LEKR1: variants seen among roughly 807,000 people sequenced by gnomAD.
LEKR1 encodes the protein protein LEKR1.
LEKR1 carries 59 observed loss-of-function variants against 72.4 expected under a neutral mutation model. The ratio of observed to expected loss-of-function variants is 0.82; its 90% CI spans 0.66 to 1.01. The LOEUF (loss-of-function observed/expected upper bound fraction) is 1.01, where lower values mean the gene tolerates loss of function less well. Among genes scored for constraint, LEKR1 ranks in the 50% least tolerant of loss-of-function variants. The pLI is 0.00. For synonymous variants in LEKR1, 257 were observed against 263.2 expected, an observed-to-expected ratio of 0.98 and a Z score of 0.23; for missense variants, 728 against 759.2, an observed-to-expected ratio of 0.96 and a Z score of 0.48.
chr3:156,971,745 C>A lies in LEKR1; in HGVS notation c.746-7449C>A, dbSNP rs199842382. Among the ~76,000 whole-genome samples, 1,382 of 152,272 alleles carry A rather than the reference C, an allele frequency of 9.1e-3. 51 individuals carry two copies. Among genetic ancestry groups the A allele is most frequent in the Admixed American group, 0.071 (1,088 of 15,288 alleles). On this transcript the variant is annotated intron_variant, in intron 6 of 12. Transcript: ENST00000356539. ...GCCAAAAGACACGTGAAAAAATGCT[C>A]ATCATCACTGGCCATCAGAGAAATG...
chr3:157,007,121 G>T (rs1045326611), intron 9 of LEKR1, among the ~76,000 whole-genome samples: 1 of 152,176 alleles, frequency 6.6e-6, no homozygotes, highest in Admixed American at 6.5e-5. Flanking sequence ...AGAATGGCGT[G>T]AACCCGGGAG....
At chr3:156,852,117 G>GC (rs1350542735) in intron 2 of LEKR1, 1 of 152,138 alleles carries the variant, frequency 6.6e-6, no homozygotes, top group Non-Finnish European at 1.5e-5. Context: ...TTTAATCCCA[G>GC]CTTCTCCGCA....
At chr3:156,980,583 T>C (rs1453736264) in intron 7 of LEKR1, among the ~76,000 whole-genome samples, 1 of 151,988 alleles carries the variant, frequency 6.6e-6, no homozygotes, top group Non-Finnish European at 1.5e-5. Flanking sequence ...AAAAAAATCG[T>C]TGTTGCTGTC....
chr3:156,966,166 A>G (rs1176695789), intron 6 of LEKR1, among the ~76,000 whole-genome samples: 1 of 152,220 alleles, frequency 6.6e-6, no homozygotes, highest in Non-Finnish European at 1.5e-5. Flanking sequence ...AGATGGCCGA[A>G]TAGGAACAGC....
chr3:157,026,309 T>C (rs886452361), intron 11 of LEKR1, among the ~76,000 whole-genome samples: 2 of 152,180 alleles, frequency 1.3e-5, no homozygotes, highest in Non-Finnish European at 2.9e-5. Flanking sequence ...AGCAGGAGAA[T>C]GCAGACAGGC....
chr3:156,897,207 T>A (rs1266103974), intron 3 of LEKR1, among the ~76,000 whole-genome samples: 1 of 151,974 alleles, frequency 6.6e-6, no homozygotes, highest in African/African-American at 2.4e-5. Context: ...AAAGAAAAAA[T>A]TCATGGGTTG....
chr3:157,044,425 A>G (rs1382199573), intron 12 of LEKR1, among the ~76,000 whole-genome samples: 1 of 152,250 alleles, frequency 6.6e-6, no homozygotes, highest in Admixed American at 6.5e-5. Flanking sequence ...GAATTTCAGA[A>G]TTTCGAAGAG....
intron 3 of LEKR1, among the ~76,000 whole-genome samples, chr3:156,894,694 T>A (rs534233386): frequency 1.8e-4 from 27 of 152,042 alleles, no homozygotes. Flanking sequence ...CAGAAACAGA[T>A]ACATAAACCA....
chr3:156,880,872 G>T (rs547402474), intron 3 of LEKR1, among the ~76,000 whole-genome samples: 2 of 152,208 alleles, frequency 1.3e-5, no homozygotes, highest in African/African-American at 4.8e-5. Flanking sequence ...ATGTAATCCA[G>T]CATATAAACA....
chr3:156,831,065 C>T (rs1712318736), intron 2 of LEKR1, among the ~76,000 whole-genome samples: 1 of 151,972 alleles, frequency 6.6e-6, no homozygotes, highest in South Asian at 2.1e-4. Flanking sequence ...AATCAATCTC[C>T]GAAAATTTGC....
intron 3 of LEKR1, among the ~76,000 whole-genome samples, chr3:156,899,782 A>ATACG (rs2108562730): frequency 9.7e-6 from 1 of 103,148 alleles, no homozygotes; most frequent in Admixed American, 1.3e-4. Context: ...ATACACATAT[A>ATACG]TACACATATA....
At chr3:156,872,515 T>C (rs1386873252) in intron 3 of LEKR1, among the ~76,000 whole-genome samples, 1 of 152,118 alleles carries the variant, frequency 6.6e-6, no homozygotes, top group Admixed American at 6.6e-5. Context: ...CTTTTCTAGT[T>C]CTTTCAGATG....
intron 5 of LEKR1, among the ~76,000 whole-genome samples, chr3:156,941,313 G>A (rs1726179821): frequency 6.6e-6 from 1 of 151,930 alleles, no homozygotes; most frequent in African/African-American, 2.4e-5. Context: ...TTTTCTCCCA[G>A]ACATGCTTTC....
intron 6 of LEKR1, among the ~76,000 whole-genome samples, chr3:156,978,717 A>G (rs10936043): frequency 0.43 from 64,778 of 151,814 alleles, 16,052 homozygotes; most frequent in East Asian, 0.73. Flanking sequence ...TTTAGATGCT[A>G]CCCAGAGTTA....
At chr3:156,943,960 GA>G (rs1726459499) in intron 6 of LEKR1, among the ~76,000 whole-genome samples, 1 of 151,016 alleles carries the variant, frequency 6.6e-6, no homozygotes, top group Non-Finnish European at 1.5e-5. Context: ...TGCATTATTG[GA>G]ATTTTTCTTG....
chr3:156,934,804 C>T (rs1025842038), intron 5 of LEKR1, among the ~76,000 whole-genome samples: 1 of 150,690 alleles, frequency 6.6e-6, no homozygotes, highest in Non-Finnish European at 1.5e-5. Context: ...TCTTTCTGTG[C>T]ATATATATAT....
At chr3:157,039,179 T>C (rs1354052249) in intron 12 of LEKR1, among the ~76,000 whole-genome samples, 1 of 152,186 alleles carries the variant, frequency 6.6e-6, no homozygotes, top group African/African-American at 2.4e-5. Flanking sequence ...CTTAGAAGTG[T>C]AGGAAGAGAT....
intron 3 of LEKR1, among the ~76,000 whole-genome samples, chr3:156,890,353 C>T (rs1032359916): frequency 3.3e-5 from 5 of 152,054 alleles, no homozygotes; most frequent in Non-Finnish European, 7.4e-5. Flanking sequence ...TATAGCTTCA[C>T]AATTCAGAGT....
At chr3:157,019,977 T>C (rs1005075602) in intron 10 of LEKR1, among the ~76,000 whole-genome samples, 39 of 152,208 alleles carry the variant, frequency 2.6e-4, no homozygotes, top group African/African-American at 9.2e-4. Flanking sequence ...CTGCTTCTTT[T>C]TCTCAGATTG....
Sources: gnomAD v4.1 joint callset for allele counts (sites outside exome capture counted in the v4.1 genomes callset) on GRCh38, gnomAD v4.1.1 for gene constraint, MANE v1.5 for transcripts, NCBI Gene and HGNC (gene_info 2026-07-23, HGNC 2026-07-21) for gene names.